USP37: variants seen among roughly 807,000 people sequenced by gnomAD.
The protein encoded by USP37 is ubiquitin specific peptidase 37.
In USP37, 27 loss-of-function variants were observed where a neutral mutation model predicts 124.0. That is an observed-to-expected ratio of 0.22 (90% CI 0.16 to 0.30). The LOEUF (loss-of-function observed/expected upper bound fraction) is 0.30, where lower values mean the gene tolerates loss of function less well. Among genes scored for constraint, USP37 ranks in the 10% least tolerant of loss-of-function variants. USP37 has a pLI of 1.00. For synonymous variants in USP37, 365 were observed against 388.0 expected, an observed-to-expected ratio of 0.94 and a Z score of 0.70; for missense variants, 889 against 1,140.4, an observed-to-expected ratio of 0.78 and a Z score of 3.17.
At chr2:218,486,852 A>G (rs1382537428) in intron 15 of USP37, among the ~76,000 whole-genome samples, 1 of 151,850 alleles carries the variant, frequency 6.6e-6, no homozygotes, top group Non-Finnish European at 1.5e-5. Flanking sequence ...CAGCCTCCCG[A>G]GTAGCTGGGA....
intron 22 of USP37, among the ~76,000 whole-genome samples, chr2:218,461,089 T>A (rs1017081709): frequency 2.0e-5 from 3 of 152,196 alleles, no homozygotes; most frequent in African/African-American, 7.2e-5. Context: ...ACTGGAAGCA[T>A]CCATCTTTAC....
chr2:218,550,640 A>G (rs915084064), intron 5 of USP37, among the ~76,000 whole-genome samples: 1 of 151,630 alleles, frequency 6.6e-6, no homozygotes, highest in African/African-American at 2.4e-5. Flanking sequence ...AAAAAGAAAA[A>G]AAAAAAAAAA....
At chr2:218,561,192 T>C (rs1693293675) in intron 2 of USP37, among the ~76,000 whole-genome samples, 8 of 152,206 alleles carry the variant, frequency 5.3e-5, no homozygotes. Flanking sequence ...GTGACTTTAT[T>C]GTTGGATACA....
chr2:218,500,656 G>A (rs976780718), intron 11 of USP37: 2 of 152,202 alleles, frequency 1.3e-5, no homozygotes, highest in African/African-American at 4.8e-5. Flanking sequence ...GATTACAGGT[G>A]TGAGGCACTT....
At chr2:218,541,416 G>A (rs190142117) in intron 8 of USP37, among the ~76,000 whole-genome samples, 22 of 152,200 alleles carry the variant, frequency 1.4e-4, no homozygotes, top group South Asian at 4.2e-4. Context: ...GATTCACTAG[G>A]GTGCCTCTTA....
intron 9 of USP37, among the ~76,000 whole-genome samples, chr2:218,533,552 T>C (rs1375750167): frequency 1.3e-5 from 2 of 152,210 alleles, no homozygotes; most frequent in African/African-American, 4.8e-5. Flanking sequence ...TTACAGCTTA[T>C]GTTTTCTGTT....
Position 218,558,723 on chromosome 2 carries a change from G to A in USP37, c.-24-46C>T, listed in dbSNP as rs915061506. ...ATACCTTTACCTGGCAGGTTCTAAG[G>A]AAGAAAAATAAGATAAGTTATAACT... On this transcript the variant is annotated intron_variant, in intron 3 of 25. Transcript: ENST00000258399. The A allele has an allele frequency of 2.9e-6, 4 of 1,394,684 alleles. No homozygotes were observed. In the Admixed American group the frequency reaches 6.8e-5, roughly 24 times the overall value. The allele number at this position is 1,394,684 out of a possible 1,614,324, so 86.4% of individuals were successfully genotyped here. A position where few individuals can be genotyped will look rare whatever the true frequency, so the allele number is the denominator to read the frequency against.
intron 14 of USP37, 36 bp from the exon 15 acceptor site, chr2:218,488,457 C>A (rs776266227): frequency 1.4e-6 from 2 of 1,403,684 alleles, no homozygotes; most frequent in Non-Finnish European, 9.9e-7. Flanking sequence ...AGCATTTAGA[C>A]CAATACACAA....
rs1574823418 is a variant in USP37 at position 218,450,740 on chromosome 2, G to T, written c.*4190C>A. On this transcript the variant is annotated 3_prime_UTR_variant, in exon 26 of 26. Coordinates refer to ENST00000258399, the MANE Select transcript of USP37 (RefSeq NM_020935.3). ...ATCTGACTGGACCAACCTGGAACCT[G>T]GTCCAGACCCTCACCCACTCTATTC... 6.6e-6 allele frequency: 1 copy of T among 152,250 alleles called. No homozygotes were observed. The highest frequency in any genetic ancestry group is 1.9e-4 in the East Asian group (1 of 5,192). 9.4% of individuals were successfully genotyped at this position (152,250 alleles called of 1,614,324 possible).
Position 218,486,004 on chromosome 2 carries a change from T to C in USP37, c.1591-261A>G, listed in dbSNP as rs1691541522. 4 of 372,344 alleles carry C rather than the reference T, an allele frequency of 1.1e-5. No homozygotes were observed. In the East Asian group the frequency reaches 1.3e-4, roughly 12 times the overall value. 23.1% of individuals were successfully genotyped at this position (372,344 alleles called of 1,614,324 possible). ...TCTAAATTTATGATAGTAACTAGACTCTAAAATAGAAGATTCTTAGCCTTT... is the reference window on the plus strand; with the variant it reads ...TCTAAATTTATGATAGTAACTAGACCCTAAAATAGAAGATTCTTAGCCTTT... On this transcript the variant is annotated intron_variant, in intron 15 of 25. Coordinates refer to ENST00000258399, the MANE Select transcript of USP37 (RefSeq NM_020935.3).
intron 6 of USP37, among the ~76,000 whole-genome samples, chr2:218,549,553 C>T (rs745510706): frequency 6.6e-6 from 1 of 151,146 alleles, no homozygotes. Context: ...CAACCTCCAC[C>T]TCCTGGGTTC....
In USP37 at chr2:218,451,951, A is replaced by G. The variant is rs1350965095; in HGVS notation, c.*2979T>C. The stretch of plus-strand genomic sequence containing the variant: ...ATTCTATCCTGCTGAGACAAAACTC[A>G]TGAGTGTGCACACACATGTGAATAT... On this transcript the variant is annotated 3_prime_UTR_variant, in exon 26 of 26. Transcript: ENST00000258399. 1 of 152,668 alleles carries G rather than the reference A, an allele frequency of 6.6e-6. No individual in the cohort carries two copies. The highest frequency in any genetic ancestry group is 2.4e-5 in the African/African-American group (1 of 41,462). 9.5% of individuals were successfully genotyped at this position (152,668 alleles called of 1,614,324 possible). A position where few individuals can be genotyped will look rare whatever the true frequency, so the allele number is the denominator to read the frequency against.
At chr2:218,534,925 C>G (rs1691536069) in intron 8 of USP37, among the ~76,000 whole-genome samples, 1 of 152,150 alleles carries the variant, frequency 6.6e-6, no homozygotes, top group South Asian at 2.1e-4. Flanking sequence ...CCAATCCAAT[C>G]CATGACTCTG....
rs1394593557 is a variant in USP37, at chr2:218,480,726, C to CAAATTGTACA, written c.1836-1021_1836-1012dup. On this transcript the variant is annotated intron_variant, in intron 17 of 25. Coordinates refer to ENST00000258399, the MANE Select transcript of USP37 (RefSeq NM_020935.3). ...AATCTGTGCAAGGTCTAAAAGCTAT[C>CAAATTGTACA]AAATTGTACAGTCAGATAGCTTGGC... 2.6e-5 allele frequency among the ~76,000 whole-genome samples: 4 copies of CAAATTGTACA among 152,294 alleles called. No homozygotes were observed. The East Asian group carries it at 7.7e-4, about 29-fold the overall frequency.
intron 4 of USP37, among the ~76,000 whole-genome samples, chr2:218,555,432 A>T (rs985501987): frequency 6.6e-6 from 1 of 152,224 alleles, no homozygotes; most frequent in Admixed American, 6.5e-5. Flanking sequence ...CCTTGAGTGG[A>T]AATTCTCTAG....
At position 218,529,980 on chromosome 2, in the gene USP37, G is replaced by C. The variant is rs552940855; in HGVS notation, c.839C>G (p.Ser280Cys). 1 of 1,613,442 alleles carries C rather than the reference G, an allele frequency of 6.2e-7. No individual in the cohort carries two copies. The highest frequency in any genetic ancestry group is 1.7e-5 in the Admixed American group (1 of 59,772). Reference sequence around the variant, plus strand: ...CCTGTCTAAGTTAGTGCCACCAGAAGAGTGTTCCTTGGATCCAGCTCTGCT... The same window carrying C: ...CCTGTCTAAGTTAGTGCCACCAGAACAGTGTTCCTTGGATCCAGCTCTGCT... The part of the protein sequence containing the change: ...YGSRAGSKEH[S>C]SGGTNLDRTN... Residue 280 changes from serine to cysteine, a missense_variant, in exon 10 of 26, where the codon TCT (serine) becomes TGT (cysteine). Ser to Cys is a moderately radical substitution (Grantham distance 112). Transcript: ENST00000258399.
chr2:218,522,608 G>A (rs1355235457), intron 10 of USP37, among the ~76,000 whole-genome samples: 1 of 150,304 alleles, frequency 6.7e-6, no homozygotes, highest in Admixed American at 6.6e-5. Context: ...TTGTATGGGC[G>A]GGGGTTCCAC....
chr2:218,555,995 T>C (rs772295184), intron 4 of USP37, among the ~76,000 whole-genome samples: 13 of 152,288 alleles, frequency 8.5e-5, no homozygotes, highest in South Asian at 2.1e-4. Flanking sequence ...TCATTCCTCA[T>C]CTAAACTCCC....
At chr2:218,566,677 T>C (rs1693614643) in intron 1 of USP37, among the ~76,000 whole-genome samples, 1 of 152,210 alleles carries the variant, frequency 6.6e-6, no homozygotes, top group African/African-American at 2.4e-5. Flanking sequence ...AACAATCCAA[T>C]AGGCTGAAAA....
Sources: gnomAD v4.1 joint callset for allele counts (sites outside exome capture counted in the v4.1 genomes callset) on GRCh38, gnomAD v4.1.1 for gene constraint, MANE v1.5 for transcripts, NCBI Gene and HGNC (gene_info 2026-07-23, HGNC 2026-07-21) for gene names.